The following CHL1 variants were observed in gnomAD, a reference collection of about 807,000 sequenced individuals.
The protein encoded by CHL1 is cell adhesion molecule L1 like.
CHL1 carries 96 observed loss-of-function variants against 141.9 expected under a neutral mutation model. That is an observed-to-expected ratio of 0.68 (90% CI 0.57 to 0.80). The LOEUF is 0.80. Among genes scored for constraint, CHL1 ranks in the 30% least tolerant of loss-of-function variants. The pLI is 0.00. For missense variants in CHL1, 1,820 were observed against 1,457.2 expected (o/e 1.25, Z -4.05); for synonymous variants, 613 against 502.2 (o/e 1.22, Z -2.95).
chr3:276,013 T>C (rs1282350558), intron 2 of CHL1, among the ~76,000 whole-genome samples: 2 of 152,000 alleles, frequency 1.3e-5, no homozygotes, highest in African/African-American at 2.4e-5. Flanking sequence ...GTAATTTTTG[T>C]TCTAAAAACT....
At chr3:402,795 G>A (rs1709245444) in intron 27 of CHL1, among the ~76,000 whole-genome samples, 1 of 152,058 alleles carries the variant, frequency 6.6e-6, no homozygotes, top group Non-Finnish European at 1.5e-5. Context: ...GAACAATAAA[G>A]AGAAAGAAAG....
Position 377,854 on chromosome 3 carries a change from T to C in CHL1, c.1788T>C (p.Asn596=). Reference sequence around the variant, plus strand: ...ATGGAGCTAATTTGACCATATCTAATGTAACTTTAGAGGACCAAGGTATTT... The same window carrying C: ...ATGGAGCTAATTTGACCATATCTAACGTAACTTTAGAGGACCAAGGTATTT... ...IIDGANLTIS[N]VTLEDQGIYC... is the part of the protein sequence containing the mutation. Residue 596 remains asparagine (N), a synonymous_variant, in exon 16 of 28, where the codon AAT becomes AAC. Transcript: ENST00000256509. 1 of 1,609,316 alleles carries C rather than the reference T, an allele frequency of 6.2e-7. No homozygotes were observed. The highest frequency in any genetic ancestry group is 8.5e-7 in the Non-Finnish European group (1 of 1,175,900).
At chr3:344,555 G>GA in intron 8 of CHL1, 34 bp from the exon 9 acceptor site, 1 of 1,559,796 alleles carries the variant, frequency 6.4e-7, no homozygotes. Context: ...ATATTAATTT[G>GA]AAAAAATTCT....
intron 2 of CHL1, among the ~76,000 whole-genome samples, chr3:280,771 T>C (rs1451337743): frequency 6.6e-6 from 1 of 152,084 alleles, no homozygotes; most frequent in African/African-American, 2.4e-5. Flanking sequence ...GTTGGGTGGG[T>C]AGTAAGTTTA....
At chr3:242,350 A>G (rs1692673974) in intron 1 of CHL1, among the ~76,000 whole-genome samples, 1 of 149,594 alleles carries the variant, frequency 6.7e-6, no homozygotes, top group Non-Finnish European at 1.5e-5. Flanking sequence ...TAATCCCAGC[A>G]CTTTGGGAGG....
At position 396,835 on chromosome 3, in the gene CHL1, G is replaced by C. The variant is rs9851187; in HGVS notation, c.3095-1392G>C. 3.7e-3 allele frequency among the ~76,000 whole-genome samples: 559 copies of C among 152,120 alleles called. 5 individuals carry two copies. Among genetic ancestry groups the C allele is most frequent in the African/African-American group, 0.013 (542 of 41,520 alleles). Reference sequence around the variant, plus strand: ...AAAATTACAATCTCTTTTTCTACTAGAGTTCAACATGATCTTTGAAAAAAA... The same window carrying C: ...AAAATTACAATCTCTTTTTCTACTACAGTTCAACATGATCTTTGAAAAAAA... On this transcript the variant is annotated intron_variant, in intron 24 of 27. Transcript: ENST00000256509.
chr3:349,580 A>T (rs976254451), intron 10 of CHL1, 37 bp downstream of exon 10: 17 of 1,560,192 alleles, frequency 1.1e-5, no homozygotes, highest in Non-Finnish European at 1.7e-6. Context: ...TCTGCTTTTC[A>T]AAAAAGTAAC....
In CHL1 at chr3:394,866, G is replaced by C. The variant is rs762470467; in HGVS notation, c.3088G>C (p.Glu1030Gln). The C allele has an allele frequency of 2.2e-5, 35 of 1,610,048 alleles. No individual in the cohort carries two copies. The highest frequency in any genetic ancestry group is 2.6e-5 in the Non-Finnish European group (31 of 1,178,838). The change falls in exon 24 of 28, where the codon GAA becomes CAA. Residue 1030 changes from glutamate to glutamine, a missense_variant. Coordinates refer to ENST00000256509, the MANE Select transcript of CHL1 (RefSeq NM_006614.4). ...CACGGAGGAAAGCTCCACCTTAGGAGAAGGGAGTAAGTACATGAGGCTTCT... is the reference window on the plus strand; with the variant it reads ...CACGGAGGAAAGCTCCACCTTAGGACAAGGGAGTAAGTACATGAGGCTTCT... ...PITEESSTLG[E>Q]GSKGIGKISG...
intron 24 of CHL1, among the ~76,000 whole-genome samples, chr3:396,659 G>T (rs138433262): frequency 6.6e-6 from 1 of 151,978 alleles, no homozygotes; most frequent in Non-Finnish European, 1.5e-5. Context: ...CTTCACTGTC[G>T]TATGTGTCAG....
At chr3:398,482 G>A (rs1708860757) in intron 25 of CHL1, 97 bp downstream of exon 25, 7 of 626,782 alleles carry the variant, frequency 1.1e-5, no homozygotes, top group Non-Finnish European at 1.6e-5. Context: ...TAAAAACACT[G>A]AGTGTATTAA....
At chr3:277,406 A>T (rs372789989) in intron 2 of CHL1, among the ~76,000 whole-genome samples, 2 of 152,230 alleles carry the variant, frequency 1.3e-5, no homozygotes, top group African/African-American at 4.8e-5. Flanking sequence ...ATAATATTCT[A>T]TATCTGTAAA....
intron 2 of CHL1, among the ~76,000 whole-genome samples, chr3:317,189 C>T (rs564216574): frequency 1.3e-5 from 2 of 152,104 alleles, no homozygotes; most frequent in East Asian, 1.9e-4. Flanking sequence ...TATTCATATT[C>T]TGAAAAGTGA....
intron 1 of CHL1, among the ~76,000 whole-genome samples, chr3:242,903 G>T (rs912911403): frequency 3.3e-5 from 5 of 152,096 alleles, no homozygotes; most frequent in Non-Finnish European, 7.4e-5. Flanking sequence ...AGAGTGGGGT[G>T]GGTAATTCAG....
intron 5 of CHL1, among the ~76,000 whole-genome samples, chr3:338,703 G>C (rs1423472709): frequency 1.3e-5 from 2 of 152,168 alleles, no homozygotes; most frequent in African/African-American, 4.8e-5. Context: ...TTAGTTAAAA[G>C]CTGTTCTGAA....
At chr3:402,289 G>A (rs1239581854) in intron 27 of CHL1, among the ~76,000 whole-genome samples, 1 of 152,170 alleles carries the variant, frequency 6.6e-6, no homozygotes, top group East Asian at 1.9e-4. Flanking sequence ...TTAACCACTG[G>A]ACAGAGGATG....
At position 389,268 on chromosome 3, in the gene CHL1, A is replaced by G. The variant is rs1276629329; in HGVS notation, c.2264A>G (p.Glu755Gly). 9 of 1,609,050 alleles carry G rather than the reference A, an allele frequency of 5.6e-6. No individual in the cohort carries two copies. Among genetic ancestry groups the G allele is most frequent in the Admixed American group, 5.1e-5 (3 of 59,258 alleles). The part of the protein sequence containing the change: ...IIKWEPLKSM[E>G]QNGPGLEYRV... ...CTGTTTTAGCCTTTGAAATCCATGGAGCAGAATGGACCAGGCCTAGAGTAC... is the reference window on the plus strand; with the variant it reads ...CTGTTTTAGCCTTTGAAATCCATGGGGCAGAATGGACCAGGCCTAGAGTAC... Residue 755 changes from glutamate to glycine, a missense_variant, in exon 20 of 28, where the codon GAG (glutamate) becomes GGG (glycine). Coordinates refer to ENST00000256509, the MANE Select transcript of CHL1 (RefSeq NM_006614.4).
chr3:394,601 G>T, intron 23 of CHL1, 92 bp from the exon 24 acceptor site: 2 of 889,046 alleles, frequency 2.2e-6, no homozygotes, highest in Non-Finnish European at 1.8e-6. Flanking sequence ...GTATCTTTAC[G>T]TACCACAAGC....
intron 2 of CHL1, among the ~76,000 whole-genome samples, chr3:254,266 C>T (rs1178809671): frequency 6.6e-6 from 1 of 152,188 alleles, no homozygotes; most frequent in East Asian, 1.9e-4. Flanking sequence ...CTTCCGAACA[C>T]CCCTTTCCCA....
At chr3:361,837 A>AAG (rs1559309885) in intron 13 of CHL1, 27 bp downstream of exon 13, 1 of 1,402,502 alleles carries the variant, frequency 7.1e-7, no homozygotes. Context: ...TGGTTTTCTT[A>AAG]AGAGAATGTC....
Sources: gnomAD v4.1 joint callset for allele counts (sites outside exome capture counted in the v4.1 genomes callset) on GRCh38, gnomAD v4.1.1 for gene constraint, MANE v1.5 for transcripts, NCBI Gene and HGNC (gene_info 2026-07-23, HGNC 2026-07-21) for gene names.